PCDH15: variants seen among roughly 807,000 people sequenced by gnomAD.
The protein encoded by PCDH15 is protocadherin-15.
In PCDH15, 129 loss-of-function variants were observed where a neutral mutation model predicts 178.5. The observed-to-expected ratio is 0.72, with a 90% CI of 0.63 to 0.84. PCDH15 has a LOEUF of 0.84. PCDH15 is among the 40% of genes least tolerant of loss of function. PCDH15 has a pLI of 0.00. For synonymous variants in PCDH15, 800 were observed against 732.0 expected (o/e 1.09, Z -1.50); for missense variants, 2,230 against 2,099.9 (o/e 1.06, Z -1.21).
At chr10:54,631,649 C>T (rs2093703127) in intron 2 of PCDH15, among the ~76,000 whole-genome samples, 1 of 152,162 alleles carries the variant, frequency 6.6e-6, no homozygotes, top group South Asian at 2.1e-4. Flanking sequence ...GTGTATTAGT[C>T]TGTTTTCACA....
chr10:55,091,856 C>CA (rs1164918953), intron 2 of PCDH15, among the ~76,000 whole-genome samples: 1 of 151,752 alleles, frequency 6.6e-6, no homozygotes, highest in Non-Finnish European at 1.5e-5. Flanking sequence ...AACAAACAAA[C>CA]AAAAAACATT....
At chr10:54,252,881 T>C (rs998408861) in intron 8 of PCDH15, among the ~76,000 whole-genome samples, 22 of 152,206 alleles carry the variant, frequency 1.4e-4, no homozygotes, top group African/African-American at 5.1e-4. Flanking sequence ...TATGTATAAA[T>C]TTCTTTCTGA....
At chr10:54,157,041 C>T (rs947963410) in intron 13 of PCDH15, among the ~76,000 whole-genome samples, 2 of 152,180 alleles carry the variant, frequency 1.3e-5, no homozygotes, top group African/African-American at 2.4e-5. Context: ...AGCCTCCCCC[C>T]CAACTTTGTT....
chr10:55,276,169 A>G (rs1287326724), intron 1 of PCDH15, among the ~76,000 whole-genome samples: 1 of 150,964 alleles, frequency 6.6e-6, no homozygotes, highest in African/African-American at 2.4e-5. Flanking sequence ...ATCACGTGAA[A>G]ATAATAAAAA....
At chr10:55,517,025 C>T (rs1841029333) in intron 2 of PCDH15, among the ~76,000 whole-genome samples, 1 of 151,524 alleles carries the variant, frequency 6.6e-6, no homozygotes, top group Non-Finnish European at 1.5e-5. Context: ...ATAGAAATGA[C>T]ACTTATAAAG....
intron 18 of PCDH15, among the ~76,000 whole-genome samples, chr10:54,026,223 C>G (rs1484318032): frequency 6.6e-6 from 1 of 152,042 alleles, no homozygotes; most frequent in African/African-American, 2.4e-5. Context: ...CACATGCCCC[C>G]AGGCCTGGCT....
intron 30 of PCDH15, among the ~76,000 whole-genome samples, chr10:53,830,332 A>T (rs932261283): frequency 6.6e-6 from 1 of 151,984 alleles, no homozygotes; most frequent in Non-Finnish European, 1.5e-5. Flanking sequence ...TAAAGAATAC[A>T]TAAGAACTAT....
At chr10:54,220,165 G>A (rs1337112197) in intron 9 of PCDH15, among the ~76,000 whole-genome samples, 5 of 152,326 alleles carry the variant, frequency 3.3e-5, no homozygotes, top group Middle Eastern at 6.8e-3. Context: ...AATAATAGCC[G>A]CTGAGCTGGG....
At chr10:54,587,032 T>G (rs932730062) in intron 2 of PCDH15, among the ~76,000 whole-genome samples, 10 of 152,172 alleles carry the variant, frequency 6.6e-5, no homozygotes, top group African/African-American at 2.4e-4. Context: ...AATTTCAAAT[T>G]TCAGCTACCA....
chr10:55,450,584 T>A (rs1839413163), intron 2 of PCDH15, among the ~76,000 whole-genome samples: 1 of 152,182 alleles, frequency 6.6e-6, no homozygotes, highest in Admixed American at 6.5e-5. Flanking sequence ...TTGTACAATT[T>A]TTTTTTACTG....
At chr10:55,059,986 T>A (rs1365638657) in intron 2 of PCDH15, among the ~76,000 whole-genome samples, 2 of 79,996 alleles carry the variant, frequency 2.5e-5, no homozygotes, top group African/African-American at 3.4e-5. Flanking sequence ...ATACAAAAAA[T>A]TAAAAAAAAA....
chr10:54,403,849 TCACACACACA>T (rs886649155), intron 3 of PCDH15, among the ~76,000 whole-genome samples: 2 of 147,318 alleles, frequency 1.4e-5, no homozygotes, highest in African/African-American at 5.0e-5. Flanking sequence ...TGCCACACAC[TCACACACACA>T]CACACAAACA....
chr10:54,628,160 A>C (rs1165850880), intron 2 of PCDH15, among the ~76,000 whole-genome samples: 1 of 152,188 alleles, frequency 6.6e-6, no homozygotes, highest in Non-Finnish European at 1.5e-5. Context: ...AACCAAGGGA[A>C]CAGGTGTAGA....
intron 37 of PCDH15, chr10:53,808,710 A>G: frequency 6.2e-7 from 1 of 1,612,914 alleles, no homozygotes; most frequent in South Asian, 1.1e-5. Context: ...CTGTGTTGTA[A>G]CCTTCAGAGT....
intron 2 of PCDH15, among the ~76,000 whole-genome samples, chr10:55,367,141 C>A (rs1845382447): frequency 6.6e-6 from 1 of 152,114 alleles, no homozygotes; most frequent in Non-Finnish European, 1.5e-5. Flanking sequence ...CCTTCCCTCT[C>A]CCATATTTTC....
At chr10:54,742,803 G>C (rs1392576448) in intron 1 of PCDH15, among the ~76,000 whole-genome samples, 2 of 152,018 alleles carry the variant, frequency 1.3e-5, no homozygotes, top group African/African-American at 4.8e-5. Context: ...TGGGGTGAGG[G>C]AAGAAGTCTT....
chr10:54,696,792 T>G (rs2095233202), intron 1 of PCDH15, among the ~76,000 whole-genome samples: 1 of 152,164 alleles, frequency 6.6e-6, no homozygotes, highest in African/African-American at 2.4e-5. Flanking sequence ...TGAATAATAC[T>G]TCCATAGCTA....
Position 53,940,792 on chromosome 10 carries a change from C to T in PCDH15, c.3232+74G>A, listed in dbSNP as rs117478254. ...AAAACAATAGAATAGATAATAATTT[C>T]AATTCAATCTGAAATTAGGCCAAAT... On this transcript the variant is annotated intron_variant, in intron 24 of 37. Transcript: ENST00000644397. 25 of 1,065,162 alleles carry T rather than the reference C, an allele frequency of 2.3e-5. No homozygotes were observed. The East Asian group carries it at 5.3e-4, about 23-fold the overall frequency. The allele number at this position is 1,065,162 out of a possible 1,614,324, so 66.0% of individuals were successfully genotyped here.
chr10:54,865,572 C>T (rs1953924362), intron 3 of PCDH15, among the ~76,000 whole-genome samples: 1 of 151,984 alleles, frequency 6.6e-6, no homozygotes, highest in Non-Finnish European at 1.5e-5. Flanking sequence ...TGGGGAAAAC[C>T]ACCCCCGGGA....
Sources: allele counts gnomAD v4.1 joint callset (sites outside exome capture counted in the v4.1 genomes callset), GRCh38; gene constraint gnomAD v4.1.1; transcripts MANE v1.5; gene names NCBI Gene and HGNC (gene_info 2026-07-23, HGNC 2026-07-21).